XRCC6: variants seen among roughly 807,000 people sequenced by gnomAD.
The protein encoded by XRCC6 is DNA repair protein Ku70.
A neutral mutation model predicts 65.7 loss-of-function variants in XRCC6; 5 were observed. The ratio of observed to expected loss-of-function variants is 0.08; its 90% CI spans 0.04 to 0.16. XRCC6 has a LOEUF of 0.16. Among genes scored for constraint, XRCC6 ranks in the 10% least tolerant of loss-of-function variants. XRCC6 has a pLI of 1.00. For missense variants in XRCC6, 447 were observed against 738.1 expected (o/e 0.61, Z 4.57); for synonymous variants, 270 against 270.6 (o/e 1.00, Z 0.02).
intron 3 of XRCC6, among the ~76,000 whole-genome samples, chr22:41,629,417 A>G (rs1382464753): frequency 6.6e-6 from 1 of 152,208 alleles, no homozygotes; most frequent in African/African-American, 2.4e-5. Flanking sequence ...TCTTGAAAGT[A>G]TTATGCTAAG....
intron 11 of XRCC6, among the ~76,000 whole-genome samples, chr22:41,660,782 C>G (rs2068092387): frequency 6.6e-6 from 1 of 152,140 alleles, no homozygotes; most frequent in African/African-American, 2.4e-5. Context: ...CACCTCCTCT[C>G]TCTCACTGGG....
At chr22:41,658,650 T>C (rs1372642501) in intron 11 of XRCC6, among the ~76,000 whole-genome samples, 1 of 152,206 alleles carries the variant, frequency 6.6e-6, no homozygotes, top group Non-Finnish European at 1.5e-5. Flanking sequence ...GCACGGTGGC[T>C]CATGCCTGTA....
At chr22:41,629,826 T>G (rs530911098) in intron 3 of XRCC6, among the ~76,000 whole-genome samples, 1 of 151,982 alleles carries the variant, frequency 6.6e-6, no homozygotes, top group South Asian at 2.1e-4. Context: ...CCTGCCACCA[T>G]GCCTGGCTAA....
chr22:41,663,840 C>G lies in XRCC6; in HGVS notation c.*25C>G. On this transcript the variant is annotated 3_prime_UTR_variant, in exon 13 of 13. Coordinates refer to ENST00000360079, the MANE Select transcript of XRCC6 (RefSeq NM_001469.5). ...ACCAGAGGCCGCGCGTCCAGCTGCC[C>G]TTCCGCAGTGTGGCCAGGCTGCCTG... 1 of 1,601,382 alleles carries G rather than the reference C, an allele frequency of 6.2e-7. No homozygotes were observed. The highest frequency in any genetic ancestry group is 1.1e-5 in the South Asian group (1 of 90,608).
intron 8 of XRCC6, among the ~76,000 whole-genome samples, chr22:41,651,304 A>G (rs1392131349): frequency 6.7e-6 from 1 of 150,082 alleles, no homozygotes; most frequent in Admixed American, 6.7e-5. Context: ...TCTCAAAAAA[A>G]CCAAAAGTGT....
chr22:41,645,750 C>T (rs1348215047), intron 6 of XRCC6, among the ~76,000 whole-genome samples: 3 of 145,710 alleles, frequency 2.1e-5, no homozygotes, highest in African/African-American at 5.1e-5. Context: ...GGCTGGAGTG[C>T]GGTGGCACGA....
At chr22:41,624,368 A>G (rs1251080994) in intron 2 of XRCC6, among the ~76,000 whole-genome samples, 1 of 151,290 alleles carries the variant, frequency 6.6e-6, no homozygotes. Flanking sequence ...AGTCTGGGCA[A>G]CAGAGTGAAA....
Position 41,636,730 on chromosome 22 carries a change from C to T in XRCC6, c.549C>T (p.Ala183=). Residue 183 remains alanine (A), a synonymous_variant, in exon 5 of 13, where the codon GCC becomes GCT. Transcript: ENST00000360079. ...DNPHGNDSAK[A]SRARTKAGDL... The stretch of plus-strand genomic sequence containing the variant: ...CCCATGGCAATGACAGTGCCAAAGC[C>T]AGCCGGGCCAGGACCAAAGCCGGTG... 1 of 1,614,176 alleles carries T rather than the reference C, an allele frequency of 6.2e-7. No homozygotes were observed. Among genetic ancestry groups the T allele is most frequent in the Non-Finnish European group, 8.5e-7 (1 of 1,180,034 alleles).
intron 3 of XRCC6, among the ~76,000 whole-genome samples, chr22:41,631,681 C>T (rs1370051950): frequency 1.5e-4 from 21 of 136,056 alleles, no homozygotes; most frequent in Non-Finnish European, 2.5e-4. Context: ...ACATCCCAGA[C>T]GATGGGCGGC....
chr22:41,655,395 T>C (rs1202166483), intron 9 of XRCC6, among the ~76,000 whole-genome samples: 1 of 151,794 alleles, frequency 6.6e-6, no homozygotes, highest in Non-Finnish European at 1.5e-5. Context: ...TCCACAAAAT[T>C]GTTAAGAAGG....
At chr22:41,629,405 A>G (rs903639548) in intron 3 of XRCC6, among the ~76,000 whole-genome samples, 2 of 152,240 alleles carry the variant, frequency 1.3e-5, no homozygotes, top group Non-Finnish European at 2.9e-5. Flanking sequence ...AAAGTAGATG[A>G]ATCTTGAAAG....
intron 6 of XRCC6, among the ~76,000 whole-genome samples, chr22:41,642,484 G>A (rs956164598): frequency 5.9e-5 from 9 of 152,074 alleles, no homozygotes; most frequent in African/African-American, 2.2e-4. Context: ...TTTTTGCTTT[G>A]GTTGCCTATG....
Position 41,656,618 on chromosome 22 carries a change from C to T in XRCC6, c.1292-285C>T, listed in dbSNP as rs187910851. On this transcript the variant is annotated intron_variant, in intron 9 of 12. Coordinates refer to ENST00000360079, the MANE Select transcript of XRCC6 (RefSeq NM_001469.5). Reference sequence around the variant, plus strand: ...GACGGCAGTCAGGTTTGGTGCTGTCCGAGGTTTCAGGTATCCTCCCGGGTT... The same window carrying T: ...GACGGCAGTCAGGTTTGGTGCTGTCTGAGGTTTCAGGTATCCTCCCGGGTT... 3.8e-3 allele frequency among the ~76,000 whole-genome samples: 571 copies of T among 152,224 alleles called. 2 individuals are homozygous for T. Among genetic ancestry groups the T allele is most frequent in the Non-Finnish European group, 5.2e-3 (354 of 68,010 alleles).
chr22:41,638,173 A>G (rs2067830014), intron 6 of XRCC6, among the ~76,000 whole-genome samples: 3 of 152,156 alleles, frequency 2.0e-5, no homozygotes, highest in African/African-American at 7.2e-5. Context: ...CTAAAGTAAC[A>G]CAGCCCTCCA....
intron 3 of XRCC6, among the ~76,000 whole-genome samples, chr22:41,632,170 T>TAGGGAG (rs899013950): frequency 2.0e-4 from 29 of 146,042 alleles, no homozygotes; most frequent in Non-Finnish European, 1.0e-4. Context: ...GGGAGAGGGA[T>TAGGGAG]AGGGAGAGGG....
At position 41,629,189 on chromosome 22, in the gene XRCC6, G is replaced by C. The variant is rs576224550; in HGVS notation, c.195+959G>C. ...GAAATTGGCGTGATTGACTGTACCT[G>C]ACCTGTTCTTGTTTCTTTAAATTGA... On this transcript the variant is annotated intron_variant, in intron 3 of 12. Coordinates refer to ENST00000360079, the MANE Select transcript of XRCC6 (RefSeq NM_001469.5). Among the ~76,000 whole-genome samples the C allele has an allele frequency of 1.9e-3, 282 of 152,212 alleles. 3 individuals are homozygous for C. Among genetic ancestry groups the C allele is most frequent in the Non-Finnish European group, 2.3e-3 (155 of 68,018 alleles).
At chr22:41,627,319 G>A (rs2067688805) in intron 2 of XRCC6, among the ~76,000 whole-genome samples, 1 of 151,992 alleles carries the variant, frequency 6.6e-6, no homozygotes, top group Non-Finnish European at 1.5e-5. Context: ...CAGCTCTTAG[G>A]CCAGGGCGGG....
intron 2 of XRCC6, among the ~76,000 whole-genome samples, chr22:41,626,876 G>A (rs2067681940): frequency 1.3e-5 from 2 of 151,856 alleles, no homozygotes; most frequent in South Asian, 2.1e-4. Context: ...TCCTGACCTC[G>A]TGATCCGCGC....
intron 7 of XRCC6, chr22:41,648,016 G>T (rs1317139462): frequency 6.7e-5 from 4 of 60,058 alleles, no homozygotes; most frequent in Non-Finnish European, 1.1e-4. Flanking sequence ...TTCTCTCTCC[G>T]ACTCCCTCCC....
Sources: allele counts gnomAD v4.1 joint callset (sites outside exome capture counted in the v4.1 genomes callset), GRCh38; gene constraint gnomAD v4.1.1; transcripts MANE v1.5; gene names NCBI Gene and HGNC (gene_info 2026-07-23, HGNC 2026-07-21).